PLCG2: variants seen among roughly 807,000 people sequenced by gnomAD.
PLCG2 encodes phospholipase C gamma 2, also known as 1-phosphatidylinositol 4,5-bisphosphate phosphodiesterase gamma-2.
In PLCG2, 69 loss-of-function variants were observed where a neutral mutation model predicts 175.6. The observed-to-expected ratio is 0.39, with a 90% CI of 0.32 to 0.48. The LOEUF (loss-of-function observed/expected upper bound fraction) is 0.48. Among genes scored for constraint, PLCG2 ranks in the 20% least tolerant of loss-of-function variants. The probability of loss-of-function intolerance (pLI) is 0.91; values close to 1 mark genes in which losing one functional copy is unlikely to be tolerated. For synonymous variants in PLCG2, 827 were observed against 624.0 expected, an observed-to-expected ratio of 1.33 and a Z score of -4.85; for missense variants, 1,798 against 1,650.9, an observed-to-expected ratio of 1.09 and a Z score of -1.54.
intron 1 of PLCG2, among the ~76,000 whole-genome samples, chr16:81,782,390 T>C (rs2143157858): frequency 6.6e-6 from 1 of 152,314 alleles, no homozygotes; most frequent in Non-Finnish European, 1.5e-5. Flanking sequence ...AGGCTTTTTT[T>C]TTTCTTTTTT....
At chr16:81,893,932 G>T in intron 12 of PLCG2, 138 bp downstream of exon 12, 1 of 520,838 alleles carries the variant, frequency 1.9e-6, no homozygotes, top group Non-Finnish European at 3.3e-6. Context: ...GAGTTAGAGT[G>T]TGATGTTTCT....
intron 2 of PLCG2, among the ~76,000 whole-genome samples, chr16:81,840,366 T>C (rs1350441943): frequency 1.3e-5 from 2 of 152,166 alleles, no homozygotes; most frequent in Non-Finnish European, 1.5e-5. Flanking sequence ...ATGGGCCAGA[T>C]TGGCCTGGGG....
At chr16:81,778,032 C>CAAACAAAAA (rs1567457708), upstream of PLCG2, among the ~76,000 whole-genome samples, 1 of 58,710 alleles carries the variant, frequency 1.7e-5, no homozygotes, top group Admixed American at 1.9e-4. Flanking sequence ...AAAAAAAAAA[C>CAAACAAAAA]AAAAAAAAAA....
intron 30 of PLCG2, among the ~76,000 whole-genome samples, chr16:81,945,334 G>C (rs185948553): frequency 2.6e-5 from 4 of 152,198 alleles, no homozygotes; most frequent in Non-Finnish European, 4.4e-5. Flanking sequence ...GACAAACTAG[G>C]ACCACAGAAA....
chr16:81,926,909 AAGAC>A (rs1344541900), intron 22 of PLCG2, among the ~76,000 whole-genome samples, 169 bp from the exon 23 acceptor site: 6 of 152,206 alleles, frequency 3.9e-5, no homozygotes, highest in Non-Finnish European at 5.9e-5. Context: ...AAAAAATAAA[AAGAC>A]AGCAGTTGCC....
intron 2 of PLCG2, among the ~76,000 whole-genome samples, chr16:81,830,683 C>T (rs1014233009): frequency 6.6e-6 from 1 of 151,316 alleles, no homozygotes; most frequent in Admixed American, 6.6e-5. Flanking sequence ...TATATATACA[C>T]ACATATATTT....
At chr16:81,760,762 AT>A (rs757899958) in intron 2 of PLCG2, among the ~76,000 whole-genome samples, 4,069 of 129,964 alleles carry the variant, frequency 0.031, 133 homozygotes, top group Middle Eastern at 0.056. Flanking sequence ...AAAAAAAATA[AT>A]AATAATAATA....
rs779139229 is a variant in PLCG2, at chr16:81,921,456, T to A, written c.2307+187T>A. 6.2e-6 allele frequency: 4 copies of A among 647,016 alleles called. No individual in the cohort carries two copies. The East Asian group carries it at 1.2e-4, about 19-fold the overall frequency. The allele number at this position is 647,016 out of a possible 1,614,324, so 40.1% of individuals were successfully genotyped here. On this transcript the variant is annotated intron_variant, in intron 21 of 32. Transcript: ENST00000564138. ...TCAAGCCTAGTTTCAGGGAAAATGT[T>A]AATAGAATTCCATCCAAATGCAACA...
At chr16:81,827,508 T>C (rs781342095) in intron 2 of PLCG2, among the ~76,000 whole-genome samples, 5 of 152,046 alleles carry the variant, frequency 3.3e-5, no homozygotes, top group Non-Finnish European at 7.4e-5. Context: ...TTCTTTAAAA[T>C]CCTACTTCCT....
intron 2 of PLCG2, among the ~76,000 whole-genome samples, chr16:81,833,429 A>G (rs1294627654): frequency 2.0e-5 from 3 of 150,248 alleles, no homozygotes; most frequent in Non-Finnish European, 4.4e-5. Context: ...CCTGTGGGTG[A>G]GGAGGAGGCA....
chr16:81,941,044 GTTAC>G (rs1232747168), intron 30 of PLCG2, among the ~76,000 whole-genome samples: 1 of 152,178 alleles, frequency 6.6e-6, no homozygotes, highest in African/African-American at 2.4e-5. Context: ...TGTCATTTTA[GTTAC>G]TTACATAAAA....
chr16:81,829,578 C>T (rs1023357195), intron 2 of PLCG2, among the ~76,000 whole-genome samples: 1 of 152,260 alleles, frequency 6.6e-6, no homozygotes, highest in East Asian at 1.9e-4. Flanking sequence ...AACATTACCA[C>T]ATCGCTATCA....
At chr16:81,932,913 C>T (rs572969028) in intron 25 of PLCG2, among the ~76,000 whole-genome samples, 1 of 152,238 alleles carries the variant, frequency 6.6e-6, no homozygotes, top group South Asian at 2.1e-4. Flanking sequence ...TCTCTTCTGC[C>T]CTCCAGTGTC....
rs895827178 is a variant in PLCG2, at chr16:81,781,883, C to T, written c.-48+2459C>T. 5.8e-4 allele frequency among the ~76,000 whole-genome samples: 63 copies of T among 108,552 alleles called. 1 individual carries two copies. The highest frequency in any genetic ancestry group is 2.0e-3 in the African/African-American group (60 of 29,978). 71.2% of individuals were successfully genotyped at this position (108,552 alleles called of 152,430 possible). A position where few individuals can be genotyped will look rare whatever the true frequency, so the allele number is the denominator to read the frequency against. Reference sequence around the variant, plus strand: ...TGTCCTTTCCCCCCCCCCCCCCGCCCGCCCCCGAGACGGAGTCTTGCTCTG... The same window carrying T: ...TGTCCTTTCCCCCCCCCCCCCCGCCTGCCCCCGAGACGGAGTCTTGCTCTG... On this transcript the variant is annotated intron_variant, in intron 1 of 32. Transcript: ENST00000564138.
At position 81,928,560 on chromosome 16, in the gene PLCG2, T is replaced by A; in HGVS notation, c.2517T>A (p.Ile839=). 1 of 1,595,582 alleles carries A rather than the reference T, an allele frequency of 6.3e-7. No homozygotes were observed. The highest frequency in any genetic ancestry group is 8.6e-7 in the Non-Finnish European group (1 of 1,163,066). ...AGTTATGTCTTGTTTCTTCACAGAT[T>A]ATTGAAGACAATCCCTTAGGGTCTC... The part of the protein sequence containing the change: ...TADFEELEKQ[I]IEDNPLGSLC... Residue 839 remains isoleucine, a splice_region_variant and synonymous_variant, in exon 24 of 33, where the codon ATT becomes ATA. Coordinates refer to ENST00000564138, the MANE Select transcript of PLCG2 (RefSeq NM_002661.5).
chr16:81,805,783 G>GTTTTTTTTTTTTTTTTTGTTTTTTTTTTT (rs35014411), intron 2 of PLCG2, among the ~76,000 whole-genome samples: 1 of 82,916 alleles, frequency 1.2e-5, no homozygotes, highest in Non-Finnish European at 2.2e-5. Flanking sequence ...TTTTTTTTTT[G>GTTTTTTTTTTTTTTTTTGTTTTTTTTTTT]TTTTTTTTTT....
At chr16:81,881,637 C>A (rs1223016623) in intron 8 of PLCG2, among the ~76,000 whole-genome samples, 1 of 152,128 alleles carries the variant, frequency 6.6e-6, no homozygotes, top group Non-Finnish European at 1.5e-5. Flanking sequence ...TAAAATGAAT[C>A]TAATTTTTAT....
chr16:81,826,087 G>A (rs551564528), intron 2 of PLCG2, among the ~76,000 whole-genome samples: 12 of 152,254 alleles, frequency 7.9e-5, no homozygotes, highest in East Asian at 1.9e-4. Context: ...CCAAAACAAC[G>A]GAGATCTCTG....
intron 2 of PLCG2, among the ~76,000 whole-genome samples, chr16:81,837,715 G>C (rs1378350192): frequency 8.0e-6 from 1 of 124,338 alleles, no homozygotes; most frequent in Non-Finnish European, 1.7e-5. Context: ...CCTTGATGCT[G>C]TGCATTTTTT....
Sources: gnomAD v4.1 joint callset for allele counts (sites outside exome capture counted in the v4.1 genomes callset) on GRCh38, gnomAD v4.1.1 for gene constraint, MANE v1.5 for transcripts, NCBI Gene and HGNC (gene_info 2026-07-23, HGNC 2026-07-21) for gene names.